RBFOX1: variants seen among roughly 807,000 people sequenced by gnomAD.
RBFOX1 encodes the protein RNA binding protein fox-1 homolog 1.
A neutral mutation model predicts 57.7 loss-of-function variants in RBFOX1; 8 were observed. The observed-to-expected ratio is 0.14, with a 90% confidence interval of 0.08 to 0.25. The LOEUF (loss-of-function observed/expected upper bound fraction) is 0.25, where lower values mean the gene tolerates loss of function less well. Ranked by LOEUF, RBFOX1 falls within the 10% of genes least tolerant of loss-of-function variation. The pLI is 1.00. For synonymous variants in RBFOX1, 326 were observed against 222.4 expected (o/e 1.47, Z -4.15); for missense variants, 611 against 548.5 (o/e 1.11, Z -1.14).
intron 4 of RBFOX1, among the ~76,000 whole-genome samples, chr16:7,204,028 T>A (rs1161457657): frequency 1.3e-5 from 2 of 152,244 alleles, no homozygotes; most frequent in African/African-American, 4.8e-5. Flanking sequence ...TTAACTAACA[T>A]TTCGATCTGC....
chr16:7,292,506 T>G (rs892928562), intron 4 of RBFOX1, among the ~76,000 whole-genome samples: 1 of 133,126 alleles, frequency 7.5e-6, no homozygotes, highest in Non-Finnish European at 1.6e-5. Flanking sequence ...GTATTATATA[T>G]AAAATATATA....
chr16:5,761,620 A>G (rs1032867430), intron 3 of RBFOX1, among the ~76,000 whole-genome samples: 5 of 152,184 alleles, frequency 3.3e-5, no homozygotes, highest in Admixed American at 2.0e-4. Context: ...AGAACTCACT[A>G]TCACAAGAAC....
At chr16:7,093,725 A>C (rs552784863) in intron 4 of RBFOX1, among the ~76,000 whole-genome samples, 64 of 152,148 alleles carry the variant, frequency 4.2e-4, no homozygotes, top group African/African-American at 1.5e-3. Flanking sequence ...GTAATACGCT[A>C]TTTTCCGCTT....
intron 4 of RBFOX1, among the ~76,000 whole-genome samples, chr16:6,008,373 G>C (rs950974865): frequency 6.6e-6 from 1 of 152,064 alleles, no homozygotes; most frequent in African/African-American, 2.4e-5. Context: ...ATAGCAGCTG[G>C]GATCCAGGAA....
chr16:7,041,534 G>A (rs531827969), intron 3 of RBFOX1, among the ~76,000 whole-genome samples: 2 of 152,160 alleles, frequency 1.3e-5, no homozygotes, highest in African/African-American at 4.8e-5. Context: ...GTTGCACTCT[G>A]GTAAAGTGAT....
intron 14 of RBFOX1, among the ~76,000 whole-genome samples, chr16:7,703,925 A>T (rs532748376): frequency 6.6e-6 from 1 of 152,344 alleles, no homozygotes; most frequent in African/African-American, 2.4e-5. Flanking sequence ...GCAGACCAAA[A>T]GTCTGGGCAA....
At chr16:5,664,145 G>GT (rs2049753966) in intron 3 of RBFOX1, among the ~76,000 whole-genome samples, 1 of 152,178 alleles carries the variant, frequency 6.6e-6, no homozygotes, top group Admixed American at 6.5e-5. Flanking sequence ...TCCATGTGTT[G>GT]TTTCTTCGAT....
intron 2 of RBFOX1, among the ~76,000 whole-genome samples, chr16:6,518,817 A>C (rs562692440): frequency 1.8e-5 from 2 of 111,618 alleles, no homozygotes; most frequent in Non-Finnish European, 3.8e-5. Flanking sequence ...CTATCTATCT[A>C]TCTATCTATC....
chr16:6,868,123 G>C (rs2060250572), intron 3 of RBFOX1, among the ~76,000 whole-genome samples: 4 of 152,140 alleles, frequency 2.6e-5, no homozygotes, highest in African/African-American at 7.2e-5. Context: ...CTGATAAATA[G>C]TAAATACTCA....
chr16:7,124,929 C>T (rs1043159050), intron 4 of RBFOX1, among the ~76,000 whole-genome samples: 3 of 152,016 alleles, frequency 2.0e-5, no homozygotes, highest in African/African-American at 7.3e-5. Flanking sequence ...AATCTGAGCC[C>T]TGGAAGAAGT....
chr16:5,264,678 G>C (rs991599869), intron 1 of RBFOX1, among the ~76,000 whole-genome samples: 3 of 152,098 alleles, frequency 2.0e-5, no homozygotes, highest in East Asian at 1.9e-4. Context: ...GCCCTGTGAT[G>C]GGGGAGGGGA....
intron 3 of RBFOX1, among the ~76,000 whole-genome samples, chr16:6,944,036 T>G (rs960024614): frequency 6.6e-6 from 1 of 152,138 alleles, no homozygotes; most frequent in Non-Finnish European, 1.5e-5. Flanking sequence ...AGTTTTTATT[T>G]TAACAGGGAC....
At chr16:6,730,112 T>C (rs918070706) in intron 3 of RBFOX1, among the ~76,000 whole-genome samples, 6 of 152,152 alleles carry the variant, frequency 3.9e-5, no homozygotes, top group Non-Finnish European at 8.8e-5. Context: ...CCTTGGCAAT[T>C]CCTGCTTCCT....
At chr16:6,259,013 T>G (rs2097685869) in intron 1 of RBFOX1, among the ~76,000 whole-genome samples, 1 of 152,186 alleles carries the variant, frequency 6.6e-6, no homozygotes, top group South Asian at 2.1e-4. Flanking sequence ...AGATATAGAC[T>G]TTCTTATGCT....
intron 3 of RBFOX1, among the ~76,000 whole-genome samples, chr16:6,995,464 C>T (rs1568281318): frequency 6.6e-6 from 1 of 152,022 alleles, no homozygotes; most frequent in African/African-American, 2.4e-5. Flanking sequence ...CTGGTGGTGA[C>T]AGAAGAGGAA....
intron 4 of RBFOX1, among the ~76,000 whole-genome samples, chr16:7,410,546 T>A (rs1044262350): frequency 6.6e-6 from 1 of 152,106 alleles, no homozygotes; most frequent in African/African-American, 2.4e-5. Flanking sequence ...CTGGGAGTGG[T>A]GGTGCGTGCC....
rs540968491 is a variant in RBFOX1 at position 5,947,838 on chromosome 16, G to A, written c.351+80503G>A. Among the ~76,000 whole-genome samples, 1 of 152,286 alleles carries A rather than the reference G, an allele frequency of 6.6e-6. No homozygotes were observed. The highest frequency in any genetic ancestry group is 1.9e-4 in the East Asian group (1 of 5,182). On this transcript the variant is annotated intron_variant, in intron 4 of 19. Coordinates refer to the RBFOX1 transcript ENST00000641259. This position sits in a 1 kb window ranked among gnomAD's most constrained non-coding sequence, Gnocchi z 7.2. ...GAAACCTAAGTTGCTTTTTAAATTTGCTAAAAGTACCTGTTGTAATTACCG... is the reference window on the plus strand; with the variant it reads ...GAAACCTAAGTTGCTTTTTAAATTTACTAAAAGTACCTGTTGTAATTACCG...
At chr16:5,923,312 G>A (rs2058867065) in intron 4 of RBFOX1, among the ~76,000 whole-genome samples, 1 of 152,120 alleles carries the variant, frequency 6.6e-6, no homozygotes, top group Non-Finnish European at 1.5e-5. Context: ...GGATGGGGAT[G>A]GTGGGGACCT....
chr16:7,217,596 C>T (rs1437205160), intron 4 of RBFOX1, among the ~76,000 whole-genome samples: 1 of 151,962 alleles, frequency 6.6e-6, no homozygotes, highest in Non-Finnish European at 1.5e-5. Flanking sequence ...TCATGAGAGG[C>T]CTGGTTCTGA....
Sources: allele counts gnomAD v4.1 joint callset (sites outside exome capture counted in the v4.1 genomes callset), GRCh38; gene constraint gnomAD v4.1.1; non-coding constraint Gnocchi (gnomAD v3.1); transcripts MANE v1.5; gene names NCBI Gene and HGNC (gene_info 2026-07-23, HGNC 2026-07-21).